Variants in GABRB3 observed in about 807,000 individuals in gnomAD.
GABRB3 encodes gamma-aminobutyric acid type A receptor subunit beta3.
Under a neutral mutation model 52.1 loss-of-function variants are expected in GABRB3, and 14 were observed. That is an observed-to-expected ratio of 0.27 (90% CI 0.18 to 0.42). The LOEUF is 0.42. Ranked by LOEUF, GABRB3 falls within the 10% of genes least tolerant of loss-of-function variation. GABRB3 has a pLI of 1.00. For missense variants in GABRB3, 307 were observed against 609.1 expected (o/e 0.50, Z 5.22); for synonymous variants, 260 against 232.3 (o/e 1.12, Z -1.08).
chr15:26,621,189 T>C lies in GABRB3; in HGVS notation c.461+125A>G. 1.2e-6 allele frequency: 1 copy of C among 840,682 alleles called. No homozygotes were observed. Among genetic ancestry groups the C allele is most frequent in the Admixed American group, 1.9e-5 (1 of 53,424 alleles). 52.1% of individuals were successfully genotyped at this position (840,682 alleles called of 1,614,324 possible). A position where few individuals can be genotyped will look rare whatever the true frequency, so the allele number is the denominator to read the frequency against. On this transcript the variant is annotated intron_variant, in intron 4 of 8. Coordinates refer to ENST00000311550, the MANE Select transcript of GABRB3 (RefSeq NM_000814.6). This position sits in a 1 kb window ranked among gnomAD's most constrained non-coding sequence, Gnocchi z 4.1. ...GATTTTTTTTTCTGCAAAGCTTTAG[T>C]GCTTCATAGATGCTTCCTAATTTAT...
intron 3 of GABRB3, among the ~76,000 whole-genome samples, chr15:26,655,180 C>T (rs1887329037): frequency 1.3e-5 from 2 of 152,082 alleles, no homozygotes; most frequent in Admixed American, 1.3e-4. Flanking sequence ...AGAGATCATG[C>T]TTATATTGAA....
intron 4 of GABRB3, among the ~76,000 whole-genome samples, chr15:26,605,737 A>ATT (rs1891763393): frequency 6.6e-6 from 1 of 152,170 alleles, no homozygotes; most frequent in Non-Finnish European, 1.5e-5. Flanking sequence ...AATTGAACTC[A>ATT]CGGAGATAGA....
intron 4 of GABRB3, among the ~76,000 whole-genome samples, chr15:26,594,652 T>C (rs1394080706): frequency 3.3e-5 from 5 of 152,120 alleles, no homozygotes; most frequent in Non-Finnish European, 5.9e-5. Context: ...TGCACCAACA[T>C]GCCTGGCTAG....
At chr15:26,655,442 T>C (rs1279130792) in intron 3 of GABRB3, among the ~76,000 whole-genome samples, 3 of 152,140 alleles carry the variant, frequency 2.0e-5, no homozygotes, top group Non-Finnish European at 2.9e-5. Flanking sequence ...TATGATCACA[T>C]GGAAAAACCC....
At chr15:26,670,905 T>G (rs1330138880) in intron 3 of GABRB3, among the ~76,000 whole-genome samples, 2 of 152,142 alleles carry the variant, frequency 1.3e-5, no homozygotes, top group African/African-American at 4.8e-5. Flanking sequence ...TTTATTTTAT[T>G]TTTATTTTTT....
chr15:26,773,079 AGGAGGGCGGAGGG>A, upstream of GABRB3: 1 of 996,450 alleles, frequency 1.0e-6, no homozygotes, highest in Non-Finnish European at 1.2e-6. Context: ...CCCGGAGCGG[AGGAGGGCGGAGGG>A]GGAGGGGAGG....
Position 26,766,813 on chromosome 15 carries a change from C to T in GABRB3, c.240+5589G>A, listed in dbSNP as rs60137937. The stretch of plus-strand genomic sequence containing the variant: ...ATCATGTCAAACTAAAGACAACATA[C>T]CATAAGATCCTAGAGCCCAGCACGG... On this transcript the variant is annotated intron_variant, in intron 3 of 8. Coordinates refer to ENST00000311550, the MANE Select transcript of GABRB3 (RefSeq NM_000814.6). Among the ~76,000 whole-genome samples, 1,078 of 152,122 alleles carry T rather than the reference C, an allele frequency of 7.1e-3. 16 individuals carry two copies. Among genetic ancestry groups the T allele is most frequent in the African/African-American group, 0.025 (1,049 of 41,490 alleles).
intron 3 of GABRB3, among the ~76,000 whole-genome samples, chr15:26,758,664 G>A (rs1233318253): frequency 6.6e-6 from 1 of 152,060 alleles, no homozygotes; most frequent in Non-Finnish European, 1.5e-5. Flanking sequence ...AATTCTCAGA[G>A]TTGATTCTAC....
intron 3 of GABRB3, among the ~76,000 whole-genome samples, chr15:26,634,509 T>G (rs1157650958): frequency 6.6e-6 from 1 of 152,122 alleles, no homozygotes; most frequent in African/African-American, 2.4e-5. Context: ...GCTGGAGTGT[T>G]TCCACTGATG....
chr15:26,597,137 C>T (rs1891421568), intron 4 of GABRB3, among the ~76,000 whole-genome samples: 3 of 152,166 alleles, frequency 2.0e-5, no homozygotes, highest in Non-Finnish European at 2.9e-5. Context: ...CTCTTAAAGG[C>T]CCCACCTCTC....
intron 3 of GABRB3, among the ~76,000 whole-genome samples, chr15:26,710,914 A>C: frequency 7.4e-6 from 1 of 134,376 alleles, no homozygotes; most frequent in African/African-American, 2.7e-5. Flanking sequence ...TTTTTTTTCC[A>C]TCTCTCAGTT....
chr15:26,674,257 C>G (rs1355996487), intron 3 of GABRB3, among the ~76,000 whole-genome samples: 1 of 151,350 alleles, frequency 6.6e-6, no homozygotes, highest in East Asian at 1.9e-4. Flanking sequence ...CAAAATTTGC[C>G]TGGCATGGTG....
chr15:26,613,513 G>A (rs183376208), intron 4 of GABRB3: 1 of 152,180 alleles, frequency 6.6e-6, no homozygotes, highest in Non-Finnish European at 1.5e-5. Context: ...TAAATTCCAA[G>A]GGATTGAACA....
intron 8 of GABRB3, among the ~76,000 whole-genome samples, chr15:26,549,098 C>T (rs1204278133): frequency 6.6e-6 from 1 of 152,188 alleles, no homozygotes; most frequent in Non-Finnish European, 1.5e-5. Flanking sequence ...AAGCCTACCC[C>T]GTGTTCCTGT....
chr15:26,554,033 ATATT>A (rs1239739749), intron 8 of GABRB3, among the ~76,000 whole-genome samples: 1 of 75,854 alleles, frequency 1.3e-5, no homozygotes, highest in Non-Finnish European at 2.6e-5. Flanking sequence ...ATATATATAT[ATATT>A]TATTTATTTA....
intron 6 of GABRB3, among the ~76,000 whole-genome samples, chr15:26,571,785 T>C (rs937110410): frequency 2.0e-5 from 3 of 152,136 alleles, no homozygotes; most frequent in African/African-American, 4.8e-5. Context: ...ATACATTCTA[T>C]TTGTTAAAAG....
At chr15:26,597,550 T>C (rs905779110) in intron 4 of GABRB3, among the ~76,000 whole-genome samples, 3 of 152,150 alleles carry the variant, frequency 2.0e-5, no homozygotes, top group African/African-American at 7.2e-5. Context: ...ATGGATGAAA[T>C]GGAGGTCCTG....
chr15:26,596,001 C>G (rs1459726548), intron 4 of GABRB3, among the ~76,000 whole-genome samples: 1 of 152,138 alleles, frequency 6.6e-6, no homozygotes, highest in Non-Finnish European at 1.5e-5. Context: ...TTCTAACAAA[C>G]TGGATTTGTC....
At chr15:26,589,084 C>T (rs1431857251) in intron 4 of GABRB3, among the ~76,000 whole-genome samples, 1 of 152,188 alleles carries the variant, frequency 6.6e-6, no homozygotes, top group African/African-American at 2.4e-5. Context: ...TCAAGATCCA[C>T]GGATGTCAGT....
Sources: allele counts gnomAD v4.1 joint callset (sites outside exome capture counted in the v4.1 genomes callset), GRCh38; gene constraint gnomAD v4.1.1; non-coding constraint Gnocchi (gnomAD v3.1); transcripts MANE v1.5; gene names NCBI Gene and HGNC (gene_info 2026-07-23, HGNC 2026-07-21).